BACH2: variants seen among roughly 807,000 people sequenced by gnomAD.
The protein encoded by BACH2 is BACH transcriptional regulator 2, also known as transcription regulator protein BACH2.
BACH2 carries 5 observed loss-of-function variants against 61.8 expected under a neutral mutation model. The observed-to-expected ratio is 0.08, with a 90% CI of 0.04 to 0.17. The LOEUF (loss-of-function observed/expected upper bound fraction) is 0.17. Among genes scored for constraint, BACH2 ranks in the 10% least tolerant of loss-of-function variants. BACH2 has a pLI of 1.00. For synonymous variants in BACH2, 446 were observed against 440.1 expected (o/e 1.01, Z -0.17); for missense variants, 824 against 1,091.1 (o/e 0.76, Z 3.45).
intron 5 of BACH2, among the ~76,000 whole-genome samples, chr6:90,057,904 C>A (rs983747184): frequency 2.6e-5 from 4 of 152,130 alleles, no homozygotes; most frequent in African/African-American, 9.7e-5. Context: ...CAGAAAAGGC[C>A]TTTGACAAAA....
chr6:90,134,454 G>A (rs373462894), intron 4 of BACH2, among the ~76,000 whole-genome samples: 1 of 152,318 alleles, frequency 6.6e-6, no homozygotes, highest in East Asian at 1.9e-4. Flanking sequence ...CAAGAGGATG[G>A]ATGAGAAGAG....
At chr6:90,149,929 C>T (rs1003239724) in intron 4 of BACH2, among the ~76,000 whole-genome samples, 3 of 152,202 alleles carry the variant, frequency 2.0e-5, no homozygotes, top group Non-Finnish European at 4.4e-5. Context: ...GGGAAATGGG[C>T]AGCAGACAGT....
intron 5 of BACH2, among the ~76,000 whole-genome samples, chr6:90,040,771 C>T (rs375267732): frequency 3.4e-4 from 52 of 152,026 alleles, no homozygotes; most frequent in East Asian, 2.7e-3. Context: ...TATATTTATA[C>T]ACATTACATA....
At chr6:89,954,051 TGAA>T (rs199581001) in intron 6 of BACH2, among the ~76,000 whole-genome samples, 1,939 of 152,300 alleles carry the variant, frequency 0.013, 31 homozygotes, top group African/African-American at 0.036. Flanking sequence ...TATAGGTAAC[TGAA>T]GAAGATGACA....
chr6:90,220,082 C>A (rs1022596698), intron 3 of BACH2, among the ~76,000 whole-genome samples: 1 of 152,092 alleles, frequency 6.6e-6, no homozygotes, highest in Non-Finnish European at 1.5e-5. Context: ...TTTACATCTG[C>A]ACTTTTTAAT....
chr6:90,274,317 CAG>C (rs1219325792), intron 1 of BACH2, among the ~76,000 whole-genome samples: 1 of 151,994 alleles, frequency 6.6e-6, no homozygotes, highest in Non-Finnish European at 1.5e-5. Flanking sequence ...TTACAAAACC[CAG>C]AAAGTCCACA....
intron 3 of BACH2, among the ~76,000 whole-genome samples, chr6:90,243,174 G>A (rs1037998512): frequency 9.9e-5 from 15 of 151,054 alleles, no homozygotes; most frequent in African/African-American, 1.5e-4. Context: ...GATTACAGGC[G>A]TGAGCCAATG....
chr6:89,953,123 C>T (rs2128357395), intron 6 of BACH2: 1 of 152,302 alleles, frequency 6.6e-6, no homozygotes, highest in Non-Finnish European at 1.5e-5. Flanking sequence ...AACTTTGTAG[C>T]TGACTTCTGT....
rs899080879 is a variant in BACH2 at position 89,971,828 on chromosome 6, C to T, written c.244-19966G>A. Among the ~76,000 whole-genome samples the T allele has an allele frequency of 9.2e-5, 14 of 152,226 alleles. No individual in the cohort carries two copies. In the East Asian group the frequency reaches 2.7e-3, roughly 29 times the overall value. ...CAGGAGAACAGTATGGGGGAAACCG[C>T]CCCCGTGATTCAGTTTATCTCCCAC... is the stretch of plus-strand genomic sequence containing the variant. On this transcript the variant is annotated intron_variant, in intron 6 of 8. Transcript: ENST00000257749.
chr6:90,275,274 A>C (rs1771654500), intron 1 of BACH2, among the ~76,000 whole-genome samples: 2 of 152,206 alleles, frequency 1.3e-5, no homozygotes, highest in Non-Finnish European at 2.9e-5. Context: ...AGTTAAATTA[A>C]AATGCACCTG....
chr6:90,121,485 G>T (rs1783622786), intron 4 of BACH2, among the ~76,000 whole-genome samples: 1 of 152,070 alleles, frequency 6.6e-6, no homozygotes, highest in East Asian at 1.9e-4. Flanking sequence ...TTAATAAAAA[G>T]ATATATATCT....
intron 5 of BACH2, among the ~76,000 whole-genome samples, chr6:90,055,313 C>T (rs1468916003): frequency 6.6e-6 from 1 of 152,150 alleles, no homozygotes; most frequent in African/African-American, 2.4e-5. Context: ...GGCACGAGAG[C>T]TACATGTCGA....
At position 89,950,823 on chromosome 6, in the gene BACH2, C is replaced by T. The variant is rs768854192; in HGVS notation, c.1283G>A (p.Arg428Gln). The T allele has an allele frequency of 7.4e-6, 12 of 1,613,952 alleles. No individual in the cohort carries two copies. The highest frequency in any genetic ancestry group is 1.3e-5 in the African/African-American group (1 of 74,944). Residue 428 changes from arginine (R) to glutamine (Q), a missense_variant, in exon 7 of 9, where the codon CGG becomes CAG. This residue lies in a region of BACH2 where 9 missense variants were observed against 27.6 expected (regional missense o/e 0.33). Transcript: ENST00000257749. The surrounding 1 kb of genome is among the most constrained non-coding windows in gnomAD (Gnocchi z 5.3). Reference protein sequence around the residue: ...ALCKQEGELDRRSVIFSSSAC... With the variant: ...ALCKQEGELDQRSVIFSSSAC... ...GCTGGAGGAGAAGATCACGCTCCTC[C>T]GGTCCAGCTCTCCCTCCTGTTTACA...
intron 6 of BACH2, among the ~76,000 whole-genome samples, chr6:89,981,193 G>A (rs894647509): frequency 5.3e-5 from 8 of 151,256 alleles, no homozygotes; most frequent in Middle Eastern, 3.5e-3. Context: ...GTGCAGTGGC[G>A]TGATCTCGGC....
In BACH2 at chr6:89,951,014, A is replaced by C; in HGVS notation, c.1092T>G (p.Phe364Leu). 1 of 1,594,342 alleles carries C rather than the reference A, an allele frequency of 6.3e-7. No homozygotes were observed. Among genetic ancestry groups the C allele is most frequent in the Non-Finnish European group, 8.5e-7 (1 of 1,170,982 alleles). Reference protein sequence around the residue: ...SGLPSTSQQHFARSPACPFDK... With the variant: ...SGLPSTSQQHLARSPACPFDK... ...CAAAAGGGCAGGCTGGACTCCTGGC[A>C]AAGTGCTGCTGAGATGTACTGGGCA... is the stretch of plus-strand genomic sequence containing the variant. Residue 364 changes from phenylalanine (F) to leucine (L), a missense_variant, in exon 7 of 9, where the codon TTT becomes TTG. Coordinates refer to ENST00000257749, the MANE Select transcript of BACH2 (RefSeq NM_021813.4). This position sits in a 1 kb window ranked among gnomAD's most constrained non-coding sequence, Gnocchi z 6.4.
intron 5 of BACH2, among the ~76,000 whole-genome samples, chr6:90,058,120 C>T (rs1327385381): frequency 1.3e-5 from 2 of 152,146 alleles, no homozygotes; most frequent in Non-Finnish European, 2.9e-5. Context: ...AAGTTCTGGC[C>T]AGGGCAATTA....
At chr6:90,244,272 C>T (rs1240897910) in intron 3 of BACH2, among the ~76,000 whole-genome samples, 6 of 152,194 alleles carry the variant, frequency 3.9e-5, no homozygotes, top group Admixed American at 3.9e-4. Flanking sequence ...TCATGTAATA[C>T]AGTAATAGCT....
intron 4 of BACH2, among the ~76,000 whole-genome samples, chr6:90,094,861 T>TACACACACACACACAC (rs111697212): frequency 6.6e-6 from 1 of 150,684 alleles, no homozygotes; most frequent in African/African-American, 2.4e-5. Context: ...TCCACAACTA[T>TACACACACACACACAC]ACACACACAC....
At chr6:90,181,183 T>C (rs1419502454) in intron 4 of BACH2, among the ~76,000 whole-genome samples, 1 of 152,164 alleles carries the variant, frequency 6.6e-6, no homozygotes. Context: ...ATATCTATTG[T>C]TTTTTTACTT....
Sources: allele counts gnomAD v4.1 joint callset (sites outside exome capture counted in the v4.1 genomes callset), GRCh38; gene constraint gnomAD v4.1.1; regional missense constraint gnomAD v4.1.1; non-coding constraint Gnocchi (gnomAD v3.1); transcripts MANE v1.5; gene names NCBI Gene and HGNC (gene_info 2026-07-23, HGNC 2026-07-21).